Variants in TMEM135 observed in about 807,000 individuals in gnomAD.
TMEM135 encodes transmembrane protein 135.
TMEM135 carries 30 observed loss-of-function variants against 60.3 expected under a neutral mutation model. That is an observed-to-expected ratio of 0.50 (90% confidence interval 0.37 to 0.68). The LOEUF is 0.68. TMEM135 is among the 30% of genes least tolerant of loss of function. TMEM135 has a pLI of 0.00. For missense variants in TMEM135, 468 were observed against 548.8 expected (o/e 0.85, Z 1.47); for synonymous variants, 190 against 186.7 (o/e 1.02, Z -0.14).
intron 5 of TMEM135, among the ~76,000 whole-genome samples, chr11:87,162,688 C>T: frequency 6.6e-6 from 1 of 152,184 alleles, no homozygotes; most frequent in African/African-American, 2.4e-5. Context: ...CATACGTGTA[C>T]ATGTGTCTTT....
Position 87,092,636 on chromosome 11 carries a change from G to T in TMEM135, c.396+1241G>T, listed in dbSNP as rs181814547. On this transcript the variant is annotated intron_variant, in intron 4 of 14. Transcript: ENST00000305494. ...CTTTTTGGCATTATTCTCCTTGAAA[G>T]AATTCTTACTAGGATGTAAGCTTTT... Among the ~76,000 whole-genome samples, 270 of 152,240 alleles carry T rather than the reference G, an allele frequency of 1.8e-3. 1 individual carries two copies. Among genetic ancestry groups the T allele is most frequent in the Admixed American group, 4.2e-3 (65 of 15,296 alleles).
At chr11:87,233,465 A>G (rs1326386489) in intron 5 of TMEM135, among the ~76,000 whole-genome samples, 1 of 152,120 alleles carries the variant, frequency 6.6e-6, no homozygotes, top group African/African-American at 2.4e-5. Flanking sequence ...CCATCCAACA[A>G]ATAATGGGAG....
intron 5 of TMEM135, among the ~76,000 whole-genome samples, chr11:87,215,148 T>C (rs999450000): frequency 2.1e-4 from 32 of 152,142 alleles, no homozygotes; most frequent in African/African-American, 7.7e-4. Context: ...TATTATTAAC[T>C]ATTACTAATA....
At chr11:87,061,296 G>C (rs559173282) in intron 1 of TMEM135, among the ~76,000 whole-genome samples, 1 of 152,078 alleles carries the variant, frequency 6.6e-6, no homozygotes, top group Admixed American at 6.6e-5. Context: ...GGCATTTTTG[G>C]TTATCACAGC....
intron 1 of TMEM135, among the ~76,000 whole-genome samples, chr11:87,054,799 T>A (rs1169935251): frequency 6.6e-6 from 1 of 152,150 alleles, no homozygotes; most frequent in Non-Finnish European, 1.5e-5. Context: ...GGGACAATTT[T>A]TTTTTTCAGA....
rs1451441305 is a variant in TMEM135, at chr11:87,323,904, GA to G, written c.*2573del. The G allele has an allele frequency of 5.3e-5, 24 of 452,140 alleles. No individual in the cohort carries two copies. Among genetic ancestry groups the G allele is most frequent in the African/African-American group, 4.8e-4 (24 of 49,840 alleles). The allele number at this position is 452,140 out of a possible 1,614,324, so 28.0% of individuals were successfully genotyped here. Reference sequence around the variant, plus strand: ...CTTTTGCTTCTGTAACTTTTTTCTTGAACTATAAGCATAGTCATCACTCAGT... The same window carrying G: ...CTTTTGCTTCTGTAACTTTTTTCTTGACTATAAGCATAGTCATCACTCAGT... On this transcript the variant is annotated 3_prime_UTR_variant, in exon 15 of 15. Coordinates refer to ENST00000305494, the MANE Select transcript of TMEM135 (RefSeq NM_022918.4).
chr11:87,191,384 G>T (rs1031457115), intron 5 of TMEM135, among the ~76,000 whole-genome samples: 6 of 152,056 alleles, frequency 3.9e-5, no homozygotes, highest in African/African-American at 1.4e-4. Flanking sequence ...GGGACTACAG[G>T]TGCCCGCCAC....
At chr11:87,247,036 G>C (rs1445852042) in intron 6 of TMEM135, among the ~76,000 whole-genome samples, 1 of 146,950 alleles carries the variant, frequency 6.8e-6, no homozygotes, top group East Asian at 2.0e-4. Context: ...TTTTGGTGTG[G>C]ATGTCCTTTC....
rs767199540 is a variant in TMEM135 at position 87,321,417 on chromosome 11, C to T, written c.*84C>T. ...GAACACAAAGGAGGGGGCCCAAGCT[C>T]GAACTTCAGTGTTATTTCAGTTAGA... On this transcript the variant is annotated 3_prime_UTR_variant, in exon 15 of 15. Coordinates refer to ENST00000305494, the MANE Select transcript of TMEM135 (RefSeq NM_022918.4). The T allele has an allele frequency of 9.7e-6, 14 of 1,444,912 alleles. No individual in the cohort carries two copies. The highest frequency in any genetic ancestry group is 4.6e-5 in the South Asian group (4 of 87,506). 89.5% of individuals were successfully genotyped at this position (1,444,912 alleles called of 1,614,324 possible).
intron 6 of TMEM135, among the ~76,000 whole-genome samples, chr11:87,247,808 C>A (rs1476331628): frequency 1.3e-5 from 2 of 152,094 alleles, no homozygotes; most frequent in Admixed American, 1.3e-4. Flanking sequence ...TTGTGCTTCC[C>A]AAGTGAGGCA....
At chr11:87,222,050 T>C (rs11235016) in intron 5 of TMEM135, among the ~76,000 whole-genome samples, 45,647 of 150,908 alleles carry the variant, frequency 0.3, 7,795 homozygotes, top group African/African-American at 0.46. Flanking sequence ...CAGGCGGTGG[T>C]GGGCGCCTGT....
chr11:87,067,350 A>G (rs562593835), intron 1 of TMEM135, among the ~76,000 whole-genome samples: 2 of 151,722 alleles, frequency 1.3e-5, no homozygotes, highest in Non-Finnish European at 2.9e-5. Context: ...TAGTTTTATT[A>G]TACCATCCAG....
In TMEM135 at chr11:87,323,800, C is replaced by T. The variant is rs1206924545; in HGVS notation, c.*2467C>T. On this transcript the variant is annotated 3_prime_UTR_variant, in exon 15 of 15. Coordinates refer to ENST00000305494, the MANE Select transcript of TMEM135 (RefSeq NM_022918.4). ...TATTCAATTCTCAGCAGTTTTTCAT[C>T]AAATAATTTCAGGATCCATTTTATT... 2.2e-6 allele frequency: 1 copy of T among 453,842 alleles called. No individual in the cohort carries two copies. The highest frequency in any genetic ancestry group is 2.4e-5 in the Admixed American group (1 of 42,542). 28.1% of individuals were successfully genotyped at this position (453,842 alleles called of 1,614,324 possible). A position where few individuals can be genotyped will look rare whatever the true frequency, so the allele number is the denominator to read the frequency against.
chr11:87,083,681 T>C (rs1037096928), intron 3 of TMEM135, among the ~76,000 whole-genome samples: 29 of 152,206 alleles, frequency 1.9e-4, no homozygotes, highest in African/African-American at 7.0e-4. Flanking sequence ...TTAAACACTT[T>C]GTAGCCTTCT....
intron 6 of TMEM135, among the ~76,000 whole-genome samples, chr11:87,283,893 C>A (rs571902217): frequency 1.2e-4 from 18 of 151,956 alleles, no homozygotes; most frequent in Non-Finnish European, 2.2e-4. Context: ...AATGTTGATT[C>A]GAAGATTCTG....
chr11:87,152,140 C>G (rs997638558), intron 4 of TMEM135, among the ~76,000 whole-genome samples: 1 of 152,194 alleles, frequency 6.6e-6, no homozygotes, highest in African/African-American at 2.4e-5. Context: ...TCTTCTGACT[C>G]TTCAGAGAGT....
At chr11:87,132,748 A>T (rs1937970938) in intron 4 of TMEM135, among the ~76,000 whole-genome samples, 1 of 152,162 alleles carries the variant, frequency 6.6e-6, no homozygotes, top group African/African-American at 2.4e-5. Context: ...TCCACAAGGG[A>T]TACATCCCAA....
intron 1 of TMEM135, among the ~76,000 whole-genome samples, chr11:87,053,480 G>T (rs1301882785): frequency 2.0e-5 from 3 of 152,158 alleles, no homozygotes; most frequent in African/African-American, 7.2e-5. Flanking sequence ...TACTTACTTA[G>T]GTGGTAGGCA....
intron 6 of TMEM135, among the ~76,000 whole-genome samples, chr11:87,251,074 T>C (rs1455390465): frequency 6.6e-6 from 1 of 152,118 alleles, no homozygotes; most frequent in Non-Finnish European, 1.5e-5. Flanking sequence ...TGTGTGAAAA[T>C]TGAATACAAG....
Sources: gnomAD v4.1 joint callset for allele counts (sites outside exome capture counted in the v4.1 genomes callset) on GRCh38, gnomAD v4.1.1 for gene constraint, MANE v1.5 for transcripts, NCBI Gene and HGNC (gene_info 2026-07-23, HGNC 2026-07-21) for gene names.